The following SETMAR variants were observed in gnomAD, a reference collection of about 807,000 sequenced individuals.
SETMAR encodes the protein SET and mariner transposase domain methyltransferase, also known as histone-lysine N-methyltransferase SETMAR.
Under a neutral mutation model 58.4 loss-of-function variants are expected in SETMAR, and 44 were observed. The ratio of observed to expected loss-of-function variants is 0.75; its 90% CI spans 0.59 to 0.97. The LOEUF (loss-of-function observed/expected upper bound fraction) is 0.97. SETMAR is among the 50% of genes least tolerant of loss of function. SETMAR has a pLI of 0.00. For missense variants in SETMAR, 903 were observed against 840.2 expected (o/e 1.07, Z -0.92); for synonymous variants, 332 against 307.4 (o/e 1.08, Z -0.84).
intron 1 of SETMAR, among the ~76,000 whole-genome samples, chr3:4,310,074 G>A (rs1329296382): frequency 6.6e-6 from 1 of 152,180 alleles, no homozygotes; most frequent in Non-Finnish European, 1.5e-5. Context: ...TAACGCAGTG[G>A]TGTTTGTGTA....
At chr3:4,303,597 G>A (rs1698044120) in intron 1 of SETMAR, 71 bp downstream of exon 1, 1 of 1,373,842 alleles carries the variant, frequency 7.3e-7, no homozygotes, top group South Asian at 1.7e-5. Context: ...AAGCCGCCTC[G>A]CTGGGACGGC....
At chr3:4,309,598 T>C (rs1698324034) in intron 1 of SETMAR, among the ~76,000 whole-genome samples, 1 of 152,146 alleles carries the variant, frequency 6.6e-6, no homozygotes, top group South Asian at 2.1e-4. Context: ...TCTAAAAGTA[T>C]TGTCAGATAC....
Position 4,316,841 on chromosome 3 carries a change from C to A in SETMAR, c.1650C>A (p.Pro550=). 1 of 1,550,136 alleles carries A rather than the reference C, an allele frequency of 6.5e-7. No individual in the cohort carries two copies. Among genetic ancestry groups the A allele is most frequent in the East Asian group, 2.4e-5 (1 of 40,920 alleles). The change falls in exon 3 of 3, where the codon CCC becomes CCA. Residue 550 remains proline (P), a synonymous_variant. Transcript: ENST00000358065. ...AGLIHYSFLN[P]GETITSEKYA... is the part of the protein sequence containing the mutation. ...TGATCCACTACAGCTTTCTGAATCC[C>A]GGTGAAACCATTACATCTGAGAAGT...
rs368977691 is a variant in SETMAR at position 4,316,516 on chromosome 3, C to T, written c.1325C>T (p.Thr442Met). The change falls in exon 3 of 3, where the codon ACG becomes ATG. Residue 442 changes from threonine (T) to methionine (M), a missense_variant. By Grantham distance (81) the Thr-to-Met change is moderately conservative. Coordinates refer to ENST00000358065, the MANE Select transcript of SETMAR (RefSeq NM_006515.4). ...VAEELNVNHS[T>M]VVRHLKQIGK... is the part of the protein sequence containing the mutation. ...GAAGAACTCAATGTCAACCATTCTACGGTCGTTCGACATTTGAAGCAAATT... is the reference window on the plus strand; with the variant it reads ...GAAGAACTCAATGTCAACCATTCTATGGTCGTTCGACATTTGAAGCAAATT... The T allele has an allele frequency of 1.6e-4, 251 of 1,589,052 alleles. No individual in the cohort carries two copies. The highest frequency in any genetic ancestry group is 2.0e-4 in the Non-Finnish European group (233 of 1,166,694).
At chr3:4,314,060 C>A in intron 2 of SETMAR, 1 of 496,764 alleles carries the variant, frequency 2.0e-6, no homozygotes, top group Non-Finnish European at 3.6e-6. Flanking sequence ...CCTCCTCTTT[C>A]TTCCTGCTGG....
chr3:4,313,792 C>T (rs1459917282), intron 2 of SETMAR, 31 bp downstream of exon 2: 16 of 1,613,050 alleles, frequency 9.9e-6, no homozygotes, highest in Non-Finnish European at 1.3e-5. Context: ...GCAGCTTGCC[C>T]CTCCCTATAG....
chr3:4,306,029 C>T (rs1288673407), intron 1 of SETMAR, among the ~76,000 whole-genome samples: 1 of 151,960 alleles, frequency 6.6e-6, no homozygotes, highest in Admixed American at 6.6e-5. Context: ...TTATTGAGAG[C>T]TAAATATATG....
intron 2 of SETMAR, among the ~76,000 whole-genome samples, chr3:4,315,206 G>T (rs1275609782): frequency 6.6e-6 from 1 of 152,108 alleles, no homozygotes; most frequent in African/African-American, 2.4e-5. Context: ...TGCCTCTGAA[G>T]CAGTCCTGCT....
chr3:4,307,184 G>C lies in SETMAR; in HGVS notation c.156+3658G>C, dbSNP rs368300403. On this transcript the variant is annotated intron_variant, in intron 1 of 2. Transcript: ENST00000358065. ...TTCAGAGGCCCAGGTTTTAAGCCTA[G>C]AATGTTACAGTATCATACTTCAGTT... 1.4e-4 allele frequency among the ~76,000 whole-genome samples: 21 copies of C among 152,326 alleles called. 1 individual carries two copies. Among genetic ancestry groups the C allele is most frequent in the African/African-American group, 5.1e-4 (21 of 41,582 alleles).
At chr3:4,307,328 T>A (rs1213297076) in intron 1 of SETMAR, among the ~76,000 whole-genome samples, 1 of 152,212 alleles carries the variant, frequency 6.6e-6, no homozygotes, top group African/African-American at 2.4e-5. Flanking sequence ...TGCCTTGTCC[T>A]ATGGATAGGA....
At position 4,316,486 on chromosome 3, in the gene SETMAR, TTGC is replaced by T. The variant is rs773807686; in HGVS notation, c.1298_1300del (p.Ala433del). ...GATCCCCTTACAACTACACGAGAAGTTGCTGAAGAACTCAATGTCAACCATTCT... is the reference window on the plus strand; with the variant it reads ...GATCCCCTTACAACTACACGAGAAGTTGAAGAACTCAATGTCAACCATTCT... On this transcript the variant is annotated inframe_deletion, in exon 3 of 3. Coordinates refer to ENST00000358065, the MANE Select transcript of SETMAR (RefSeq NM_006515.4). The T allele has an allele frequency of 1.9e-6, 3 of 1,602,556 alleles. No homozygotes were observed. The highest frequency in any genetic ancestry group is 2.6e-6 in the Non-Finnish European group (3 of 1,174,468).
Position 4,303,494 on chromosome 3 carries a change from T to C in SETMAR, c.124T>C (p.Trp42Arg). The C allele has an allele frequency of 2.0e-6, 3 of 1,480,866 alleles. No homozygotes were observed. Among genetic ancestry groups the C allele is most frequent in the Non-Finnish European group, 2.7e-6 (3 of 1,120,410 alleles). 91.7% of individuals were successfully genotyped at this position (1,480,866 alleles called of 1,614,324 possible). A position where few individuals can be genotyped will look rare whatever the true frequency, so the allele number is the denominator to read the frequency against. Reference sequence around the variant, plus strand: ...CCAGGAAAACTTGCCGGTGGGCGCGTGGCCCCCGGGGGCCGCGCCGGCGCC... The same window carrying C: ...CCAGGAAAACTTGCCGGTGGGCGCGCGGCCCCCGGGGGCCGCGCCGGCGCC... ...CGQENLPVGA[W>R]PPGAAPAPFQ... Residue 42 changes from tryptophan to arginine, a missense_variant, in exon 1 of 3, where the codon TGG becomes CGG. Trp to Arg is a moderately radical substitution (Grantham distance 101). Coordinates refer to ENST00000358065, the MANE Select transcript of SETMAR (RefSeq NM_006515.4).
intron 1 of SETMAR, among the ~76,000 whole-genome samples, chr3:4,312,605 G>A (rs1698449823): frequency 6.6e-6 from 1 of 151,454 alleles, no homozygotes; most frequent in South Asian, 2.1e-4. Flanking sequence ...TAGCAGCTAA[G>A]GAAGCTGAGG....
chr3:4,307,841 A>G (rs1575074528), intron 1 of SETMAR, among the ~76,000 whole-genome samples: 1 of 152,224 alleles, frequency 6.6e-6, no homozygotes, highest in East Asian at 1.9e-4. Context: ...GTTTAAGACC[A>G]CCCTTAACAA....
chr3:4,307,901 T>C (rs1373623613), intron 1 of SETMAR, among the ~76,000 whole-genome samples: 1 of 152,068 alleles, frequency 6.6e-6, no homozygotes, highest in East Asian at 1.9e-4. Flanking sequence ...TATTTTAAAT[T>C]AACCAGACAT....
At chr3:4,314,070 GC>G in intron 2 of SETMAR, 1 of 479,306 alleles carries the variant, frequency 2.1e-6, no homozygotes, top group Non-Finnish European at 3.7e-6. Context: ...CTTCCTGCTG[GC>G]TGGAATGTAT....
chr3:4,311,380 T>C (rs1698398057), intron 1 of SETMAR, among the ~76,000 whole-genome samples: 1 of 152,224 alleles, frequency 6.6e-6, no homozygotes, highest in Non-Finnish European at 1.5e-5. Context: ...CTTTAAAATC[T>C]ATCCCCAATG....
rs969079617 is a variant in SETMAR at position 4,313,162 on chromosome 3, T to A, written c.421T>A (p.Phe141Ile). 2.5e-6 allele frequency: 4 copies of A among 1,614,050 alleles called. No individual in the cohort carries two copies. Among genetic ancestry groups the A allele is most frequent in the Non-Finnish European group, 3.4e-6 (4 of 1,179,972 alleles). The change falls in exon 2 of 3, where the codon TTC becomes ATC. Residue 141 changes from phenylalanine to isoleucine, a missense_variant. Transcript: ENST00000358065. ...GGTCCAGAAAGGTCTACAGTTCCAC[T>A]TCCAAGTGTTCAAGACGCATAAAAA... ...RVVQKGLQFH[F>I]QVFKTHKKGW...
At chr3:4,304,592 A>C (rs1698108307) in intron 1 of SETMAR, among the ~76,000 whole-genome samples, 1 of 152,242 alleles carries the variant, frequency 6.6e-6, no homozygotes, top group Non-Finnish European at 1.5e-5. Flanking sequence ...CCAGAGCCTG[A>C]GTTTCTTCAT....
Sources: allele counts gnomAD v4.1 joint callset (sites outside exome capture counted in the v4.1 genomes callset), GRCh38; gene constraint gnomAD v4.1.1; transcripts MANE v1.5; gene names NCBI Gene and HGNC (gene_info 2026-07-23, HGNC 2026-07-21).